The following HIVEP3 variants were observed in gnomAD, a reference collection of about 807,000 sequenced individuals.
HIVEP3 encodes the protein HIVEP zinc finger 3.
Under a neutral mutation model 152.8 loss-of-function variants are expected in HIVEP3, and 49 were observed. That is an observed-to-expected ratio of 0.32 (90% CI 0.26 to 0.41). HIVEP3 has a LOEUF of 0.41. Among genes scored for constraint, HIVEP3 ranks in the 10% least tolerant of loss-of-function variants. The pLI is 1.00. For synonymous variants in HIVEP3, 1,269 were observed against 1,289.0 expected (o/e 0.98, Z 0.33); for missense variants, 2,790 against 3,103.3 (o/e 0.90, Z 2.40).
At chr1:41,903,452 G>A (rs748843716) in intron 1 of HIVEP3, among the ~76,000 whole-genome samples, 3 of 152,200 alleles carry the variant, frequency 2.0e-5, no homozygotes, top group Non-Finnish European at 4.4e-5. Flanking sequence ...CCTTAGTATG[G>A]TGCTGATGAA....
intron 1 of HIVEP3, among the ~76,000 whole-genome samples, chr1:41,981,349 C>T (rs987240983): frequency 2.0e-5 from 3 of 152,338 alleles, no homozygotes; most frequent in African/African-American, 7.2e-5. Context: ...TTCATCCCCA[C>T]GGAGCTGGGA....
chr1:41,986,410 T>G (rs1418451925), intron 1 of HIVEP3, among the ~76,000 whole-genome samples: 9 of 151,898 alleles, frequency 5.9e-5, no homozygotes, highest in African/African-American at 2.2e-4. Context: ...ACAGCTTTAC[T>G]GACATTACAC....
chr1:41,737,159 A>G (rs1424459922), intron 1 of HIVEP3, among the ~76,000 whole-genome samples: 1 of 152,188 alleles, frequency 6.6e-6, no homozygotes, highest in Non-Finnish European at 1.5e-5. Context: ...CAGGGTTTGA[A>G]GACCAGCTGA....
At chr1:41,862,841 G>A (rs958922690) in intron 1 of HIVEP3, among the ~76,000 whole-genome samples, 3 of 152,214 alleles carry the variant, frequency 2.0e-5, no homozygotes, top group Non-Finnish European at 2.9e-5. Context: ...CTTTACTGAC[G>A]TAGAGACAAG....
chr1:41,807,262 A>T (rs990829680), intron 1 of HIVEP3, among the ~76,000 whole-genome samples: 58 of 152,060 alleles, frequency 3.8e-4, no homozygotes, highest in African/African-American at 1.3e-3. Context: ...AGGGCTCAAG[A>T]ATGAAGCTAG....
chr1:41,882,945 A>C (rs1327078070), intron 1 of HIVEP3, among the ~76,000 whole-genome samples: 1 of 152,166 alleles, frequency 6.6e-6, no homozygotes, highest in Non-Finnish European at 1.5e-5. Flanking sequence ...GACAGGGCTG[A>C]ACTGGCTTTC....
rs115773076 is a variant in HIVEP3, at chr1:41,810,241, C to T, written c.-801+108172G>A. ...TGCTATGAAGCTTGTCCCAGTTTTT[C>T]GATTCTGCCTTCAGGCAGCAACAAT... On this transcript the variant is annotated intron_variant, in intron 1 of 8. Transcript: ENST00000372583. Among the ~76,000 whole-genome samples the T allele has an allele frequency of 4.3e-3, 649 of 152,276 alleles. 9 individuals carry two copies. Among genetic ancestry groups the T allele is most frequent in the African/African-American group, 0.015 (627 of 41,542 alleles).
At chr1:41,525,431 T>C (rs1157354909) in intron 5 of HIVEP3, among the ~76,000 whole-genome samples, 1 of 151,954 alleles carries the variant, frequency 6.6e-6, no homozygotes, top group Non-Finnish European at 1.5e-5. Context: ...GTGAGAGACT[T>C]GTCCAAGATC....
intron 2 of HIVEP3, among the ~76,000 whole-genome samples, chr1:41,666,411 T>C (rs138730455): frequency 2.2e-4 from 34 of 152,320 alleles, no homozygotes; most frequent in African/African-American, 7.9e-4. Flanking sequence ...GCCCCACATT[T>C]ACTGTGTCAC....
chr1:41,805,411 G>A (rs1399555427), intron 1 of HIVEP3, among the ~76,000 whole-genome samples: 3 of 152,200 alleles, frequency 2.0e-5, no homozygotes, highest in South Asian at 4.1e-4. Context: ...CACTTGGCCT[G>A]AGGCCTTTAA....
intron 1 of HIVEP3, among the ~76,000 whole-genome samples, chr1:41,752,464 G>A (rs995514673): frequency 7.2e-5 from 11 of 152,222 alleles, no homozygotes; most frequent in African/African-American, 4.8e-5. Flanking sequence ...TGGTCAGCAC[G>A]GCGATGGAGC....
intron 3 of HIVEP3, among the ~76,000 whole-genome samples, chr1:41,586,333 A>T (rs894341259): frequency 3.3e-5 from 5 of 151,826 alleles, no homozygotes; most frequent in Admixed American, 2.6e-4. Flanking sequence ...GTCACCATGG[A>T]CTCCATCTCA....
chr1:41,817,823 C>T (rs1642456636), intron 1 of HIVEP3, among the ~76,000 whole-genome samples: 1 of 152,210 alleles, frequency 6.6e-6, no homozygotes, highest in African/African-American at 2.4e-5. Context: ...GCACTACTCC[C>T]TCTCTTTCCA....
At chr1:41,749,404 T>TTGTGTG (rs3064239) in intron 1 of HIVEP3, among the ~76,000 whole-genome samples, 3,442 of 140,656 alleles carry the variant, frequency 0.024, 94 homozygotes, top group African/African-American at 0.063. Context: ...TTAGAAAAAA[T>TTGTGTG]TGTGTGTGTG....
chr1:41,965,230 C>T (rs7340013), intron 1 of HIVEP3, among the ~76,000 whole-genome samples: 9 of 152,224 alleles, frequency 5.9e-5, no homozygotes, highest in African/African-American at 1.2e-4. Context: ...CAAAAAAGAT[C>T]CCACAAAACC....
At chr1:41,920,925 G>A (rs1644938069), upstream of HIVEP3, among the ~76,000 whole-genome samples, 1 of 152,144 alleles carries the variant, frequency 6.6e-6, no homozygotes. Context: ...ACCTTATTCT[G>A]TTCTCCTGAG....
In HIVEP3 at chr1:41,640,264, G is replaced by A. The variant is rs549412560; in HGVS notation, c.-720-11317C>T. Among the ~76,000 whole-genome samples, 80 of 146,410 alleles carry A rather than the reference G, an allele frequency of 5.5e-4. 1 individual carries two copies. Among genetic ancestry groups the A allele is most frequent in the African/African-American group, 1.8e-3 (72 of 39,004 alleles). ...CTTGGAGATGAAGGTTCTGAGAGCT[G>A]CTGGGGCGGGGGTTGGGGGGCGGGG... On this transcript the variant is annotated intron_variant, in intron 2 of 8. Transcript: ENST00000372583.
chr1:41,995,540 A>T (rs965055279), intron 1 of HIVEP3, among the ~76,000 whole-genome samples: 22 of 152,232 alleles, frequency 1.4e-4, no homozygotes, highest in African/African-American at 5.1e-4. Context: ...GTGATCCCAG[A>T]TGAAAGATCT....
At chr1:41,594,649 C>CTAT (rs1258138506) in intron 3 of HIVEP3, among the ~76,000 whole-genome samples, 6 of 152,152 alleles carry the variant, frequency 3.9e-5, no homozygotes, top group Admixed American at 2.6e-4. Flanking sequence ...GATATTGAAG[C>CTAT]TATTGATCCT....
Sources: allele counts gnomAD v4.1 joint callset (sites outside exome capture counted in the v4.1 genomes callset), GRCh38; gene constraint gnomAD v4.1.1; transcripts MANE v1.5; gene names NCBI Gene and HGNC (gene_info 2026-07-23, HGNC 2026-07-21).